The following RPS6KA3 variants were observed in gnomAD, a reference collection of about 807,000 sequenced individuals.
RPS6KA3 encodes the protein ribosomal protein S6 kinase A3.
RPS6KA3 carries 4 observed loss-of-function variants against 67.2 expected under a neutral mutation model. The observed-to-expected ratio is 0.06, with a 90% CI of 0.03 to 0.14. The LOEUF (loss-of-function observed/expected upper bound fraction) is 0.14, where lower values mean the gene tolerates loss of function less well. Ranked by LOEUF, RPS6KA3 falls within the 10% of genes least tolerant of loss-of-function variation. The pLI is 1.00. For synonymous variants in RPS6KA3, 182 were observed against 183.7 expected (o/e 0.99, Z 0.07); for missense variants, 204 against 559.0 (o/e 0.36, Z 6.40).
Position 20,186,233 on chromosome X carries a change from C to G in RPS6KA3, c.845+63G>C. ...CTGGGATTACAGGCATGAGCCACAG[C>G]GCCCAGCCTGAAGCATTTATTTTAA... On this transcript the variant is annotated intron_variant, in intron 10 of 21. Transcript: ENST00000379565. 8.9e-6 allele frequency: 7 copies of G among 789,061 alleles called. No individual in the cohort carries two copies. The South Asian group carries it at 1.4e-4, about 16-fold the overall frequency. 65.0% of individuals were successfully genotyped at this position (789,061 alleles called of 1,213,427 possible).
chrX:20,223,151 AG>A (rs934921145), intron 2 of RPS6KA3, among the ~76,000 whole-genome samples: 2 of 111,870 alleles, frequency 1.8e-5, no homozygotes, highest in African/African-American at 6.5e-5. Context: ...CCATTGTTTT[AG>A]TATAATTCTA....
At chrX:20,213,698 A>G (rs1468678281) in intron 2 of RPS6KA3, among the ~76,000 whole-genome samples, 1 of 110,427 alleles carries the variant, frequency 9.1e-6, no homozygotes, top group Non-Finnish European at 1.9e-5. Flanking sequence ...CCTGAAACTT[A>G]AAGTATAATA....
chrX:20,225,248 T>TTG (rs2069087251), intron 2 of RPS6KA3, among the ~76,000 whole-genome samples: 1 of 89,378 alleles, frequency 1.1e-5, no homozygotes, highest in African/African-American at 4.0e-5. Context: ...TTTTTGTTTT[T>TTG]TTTTTTGTTT....
chrX:20,166,608 ATTGT>A (rs1483716848), intron 17 of RPS6KA3, among the ~76,000 whole-genome samples: 2 of 109,863 alleles, frequency 1.8e-5, no homozygotes, highest in East Asian at 2.8e-4. Context: ...TTTTTAAAAA[ATTGT>A]TTATTTTCCC....
At chrX:20,207,812 AAC>A (rs1265535752) in intron 3 of RPS6KA3, among the ~76,000 whole-genome samples, 2 of 112,335 alleles carry the variant, frequency 1.8e-5, no homozygotes, top group Non-Finnish European at 3.8e-5. Context: ...AGAGGTTAAC[AAC>A]TGTAACAAAT....
intron 7 of RPS6KA3, among the ~76,000 whole-genome samples, chrX:20,192,274 A>C (rs1356394129): frequency 9.0e-6 from 1 of 111,557 alleles, no homozygotes. Context: ...CCTGTGGGAA[A>C]TTTGCTCAGT....
intron 17 of RPS6KA3, among the ~76,000 whole-genome samples, chrX:20,166,276 T>A (rs2067434033): frequency 8.9e-6 from 1 of 112,054 alleles, no homozygotes; most frequent in African/African-American, 3.2e-5. Flanking sequence ...ATCCAGGACA[T>A]CACTTCTCCA....
At chrX:20,181,528 C>A (rs1399228271) in intron 10 of RPS6KA3, among the ~76,000 whole-genome samples, 1 of 111,427 alleles carries the variant, frequency 9.0e-6, no homozygotes, top group Non-Finnish European at 1.9e-5. Flanking sequence ...ATCCTTATAT[C>A]TCCTATTACT....
chrX:20,212,163 C>T (rs1188700912), intron 2 of RPS6KA3, among the ~76,000 whole-genome samples: 1 of 111,566 alleles, frequency 9.0e-6, no homozygotes, highest in Non-Finnish European at 1.9e-5. Flanking sequence ...TCTTTGATGA[C>T]TACCCTTCCT....
chrX:20,157,564 G>A (rs763519436), intron 20 of RPS6KA3, among the ~76,000 whole-genome samples: 1 of 110,297 alleles, frequency 9.1e-6, no homozygotes, highest in South Asian at 3.9e-4. Flanking sequence ...TTCAGTGAAG[G>A]AGAGATAAAG....
At chrX:20,203,000 G>A (rs1373240133) in intron 4 of RPS6KA3, among the ~76,000 whole-genome samples, 3 of 111,925 alleles carry the variant, frequency 2.7e-5, no homozygotes, top group South Asian at 3.7e-4. Context: ...GGAAGCAAAC[G>A]ACAGTGTTTA....
chrX:20,249,699 C>A (rs2069809010), intron 1 of RPS6KA3, among the ~76,000 whole-genome samples: 1 of 111,896 alleles, frequency 8.9e-6, no homozygotes, highest in Non-Finnish European at 1.9e-5. Flanking sequence ...AATACAAGTC[C>A]GGTCTCAGTT....
At chrX:20,197,080 T>C (rs190787475) in intron 4 of RPS6KA3, among the ~76,000 whole-genome samples, 17 of 112,615 alleles carry the variant, frequency 1.5e-4, no homozygotes, top group African/African-American at 4.8e-4. Flanking sequence ...CCTCAGGTGA[T>C]CCGCCTGCCT....
chrX:20,193,920 T>C (rs1379592302), intron 6 of RPS6KA3, among the ~76,000 whole-genome samples: 2 of 112,538 alleles, frequency 1.8e-5, no homozygotes, highest in African/African-American at 6.4e-5. Flanking sequence ...CTAGTACTAA[T>C]TGTTTAAGGA....
intron 4 of RPS6KA3, chrX:20,203,732 T>C (rs1431714557): frequency 2.5e-5 from 6 of 235,425 alleles, no homozygotes; most frequent in Non-Finnish European, 4.5e-5. Flanking sequence ...AAAATAAATA[T>C]ATAAATTTGA....
chrX:20,232,143 TA>T (rs1297341845), intron 2 of RPS6KA3, among the ~76,000 whole-genome samples: 1 of 112,268 alleles, frequency 8.9e-6, no homozygotes, highest in Non-Finnish European at 1.9e-5. Flanking sequence ...ATCACAGATC[TA>T]AATGTAAAAC....
intron 4 of RPS6KA3, among the ~76,000 whole-genome samples, chrX:20,196,847 C>T (rs1445202651): frequency 1.8e-5 from 2 of 111,800 alleles, no homozygotes; most frequent in Non-Finnish European, 3.8e-5. Context: ...ATCTGATATG[C>T]CCCCTTTTTT....
intron 20 of RPS6KA3, among the ~76,000 whole-genome samples, chrX:20,160,962 T>A (rs2067291261): frequency 1.8e-5 from 2 of 111,662 alleles, no homozygotes; most frequent in Admixed American, 9.6e-5. Flanking sequence ...GTAAAAAACT[T>A]CATTTTTTTT....
chrX:20,257,825 C>T (rs1215715829), intron 1 of RPS6KA3, among the ~76,000 whole-genome samples: 2 of 111,517 alleles, frequency 1.8e-5, no homozygotes, highest in Non-Finnish European at 3.8e-5. Context: ...GTAATTACAA[C>T]ATTTTTTGAT....
Sources: gnomAD v4.1 joint callset for allele counts (sites outside exome capture counted in the v4.1 genomes callset) on GRCh38, gnomAD v4.1.1 for gene constraint, MANE v1.5 for transcripts, NCBI Gene and HGNC (gene_info 2026-07-23, HGNC 2026-07-21) for gene names.